The following CPA6 variants were observed in gnomAD, a reference collection of about 807,000 sequenced individuals.
CPA6 encodes carboxypeptidase B.
A neutral mutation model predicts 63.3 loss-of-function variants in CPA6; 58 were observed. The ratio of observed to expected loss-of-function variants is 0.92; its 90% CI spans 0.74 to 1.14. CPA6 has a LOEUF of 1.14. Ranked by LOEUF, CPA6 falls within the 50% of genes most tolerant of loss-of-function variation. The probability of loss-of-function intolerance (pLI) is 0.00; values close to 1 mark genes in which losing one functional copy is unlikely to be tolerated. For synonymous variants in CPA6, 185 were observed against 179.0 expected (o/e 1.03, Z -0.27); for missense variants, 565 against 526.6 (o/e 1.07, Z -0.71).
chr8:67,511,487 A>G (rs1812040981), intron 4 of CPA6, 54 bp downstream of exon 4: 1 of 995,918 alleles, frequency 1.0e-6, no homozygotes, highest in African/African-American at 1.6e-5. Context: ...CCTTAGACCT[A>G]AATGATAAAG....
Position 67,582,430 on chromosome 8 carries a change from TAAG to T in CPA6, c.192+41743_192+41745del, listed in dbSNP as rs1813800132. 2.6e-5 allele frequency among the ~76,000 whole-genome samples: 4 copies of T among 152,292 alleles called. No individual in the cohort carries two copies. The South Asian group carries it at 8.3e-4, about 32-fold the overall frequency. ...CATAGTATAAGTCCTGGCCAACGTGTAAGAAGAGGCAGATGAAAAATATTGAAG... is the reference window on the plus strand; with the variant it reads ...CATAGTATAAGTCCTGGCCAACGTGTAAGAGGCAGATGAAAAATATTGAAG... On this transcript the variant is annotated intron_variant, in intron 2 of 10. Transcript: ENST00000297770.
intron 1 of CPA6, among the ~76,000 whole-genome samples, chr8:67,636,452 T>C (rs1449721305): frequency 6.6e-6 from 1 of 151,626 alleles, no homozygotes; most frequent in African/African-American, 2.4e-5. Flanking sequence ...TGGATATTTT[T>C]AGAGGAATAA....
At chr8:67,513,149 C>G (rs933830538) in intron 3 of CPA6, among the ~76,000 whole-genome samples, 1 of 152,136 alleles carries the variant, frequency 6.6e-6, no homozygotes, top group African/African-American at 2.4e-5. Flanking sequence ...TGCAGTGGCT[C>G]AAAATGTGAG....
At chr8:67,667,485 T>A (rs142281445) in intron 1 of CPA6, among the ~76,000 whole-genome samples, 33 of 152,222 alleles carry the variant, frequency 2.2e-4, no homozygotes, top group African/African-American at 7.5e-4. Context: ...AAATCTTTTT[T>A]CAACTTCCCC....
At chr8:67,532,527 C>G (rs1026949462) in intron 2 of CPA6, among the ~76,000 whole-genome samples, 2 of 151,782 alleles carry the variant, frequency 1.3e-5, no homozygotes, top group African/African-American at 2.4e-5. Flanking sequence ...ACAAAAAATA[C>G]GAAAATTAGC....
chr8:67,714,299 T>C (rs748675096), intron 1 of CPA6, among the ~76,000 whole-genome samples: 1 of 152,058 alleles, frequency 6.6e-6, no homozygotes, highest in Non-Finnish European at 1.5e-5. Context: ...AAAAGGAGAA[T>C]TTGCCCCAAC....
chr8:67,547,820 C>A (rs1174479173), intron 2 of CPA6, among the ~76,000 whole-genome samples: 1 of 152,128 alleles, frequency 6.6e-6, no homozygotes, highest in Non-Finnish European at 1.5e-5. Context: ...TATACATGGT[C>A]TTTAAAAGTA....
rs6150633 is a variant in CPA6, at chr8:67,560,160, G to GATATATATATATATAT, written c.193-42129_193-42114dup. Among the ~76,000 whole-genome samples, 904 of 139,988 alleles carry GATATATATATATATAT rather than the reference G, an allele frequency of 6.5e-3. 4 individuals carry two copies. Among genetic ancestry groups the GATATATATATATATAT allele is most frequent in the South Asian group, 9.0e-3 (40 of 4,448 alleles). 91.8% of individuals were successfully genotyped at this position (139,988 alleles called of 152,430 possible). ...GGTATCACATCTTCTTGTATTTCCG[G>GATATATATATATATAT]ATATATATATATATATATTCCAGAT... On this transcript the variant is annotated intron_variant, in intron 2 of 10. Coordinates refer to ENST00000297770, the MANE Select transcript of CPA6 (RefSeq NM_020361.5).
At chr8:67,734,696 T>C (rs577187920) in intron 1 of CPA6, among the ~76,000 whole-genome samples, 1 of 152,198 alleles carries the variant, frequency 6.6e-6, no homozygotes, top group Admixed American at 6.5e-5. Flanking sequence ...TGTTTAGCAG[T>C]TTTGATGCCA....
chr8:67,449,910 G>T (rs1032630188), intron 8 of CPA6, among the ~76,000 whole-genome samples: 1 of 151,154 alleles, frequency 6.6e-6, no homozygotes, highest in African/African-American at 2.4e-5. Context: ...CCACCTCCCG[G>T]GTTCAAGCGA....
chr8:67,721,208 G>A (rs1817492138), intron 1 of CPA6, among the ~76,000 whole-genome samples: 2 of 152,190 alleles, frequency 1.3e-5, no homozygotes, highest in South Asian at 2.1e-4. Context: ...AGGTTACAAG[G>A]TCCTCTCGGA....
At chr8:67,739,758 T>C (rs1817878548) in intron 1 of CPA6, among the ~76,000 whole-genome samples, 1 of 152,248 alleles carries the variant, frequency 6.6e-6, no homozygotes. Flanking sequence ...CAGAGGATTC[T>C]GCCTTTGATG....
At chr8:67,714,025 A>C (rs987940126) in intron 1 of CPA6, among the ~76,000 whole-genome samples, 1 of 152,130 alleles carries the variant, frequency 6.6e-6, no homozygotes, top group South Asian at 2.1e-4. Context: ...GCCATGTTAA[A>C]ATTTTTTTTT....
At chr8:67,477,177 G>A (rs1811258802) in intron 8 of CPA6, among the ~76,000 whole-genome samples, 1 of 151,254 alleles carries the variant, frequency 6.6e-6, no homozygotes, top group Non-Finnish European at 1.5e-5. Context: ...TGTAGTCCCA[G>A]CTACTTGGGA....
intron 2 of CPA6, among the ~76,000 whole-genome samples, chr8:67,602,910 A>AC (rs1814532990): frequency 6.6e-6 from 1 of 152,154 alleles, no homozygotes; most frequent in Non-Finnish European, 1.5e-5. Flanking sequence ...ATAATTTGGA[A>AC]CCCCTTGATA....
At chr8:67,587,772 AAG>A (rs1813986620) in intron 2 of CPA6, among the ~76,000 whole-genome samples, 1 of 152,138 alleles carries the variant, frequency 6.6e-6, no homozygotes, top group Admixed American at 6.5e-5. Flanking sequence ...TAATTGTGTA[AAG>A]ACATAGTAAT....
intron 3 of CPA6, among the ~76,000 whole-genome samples, chr8:67,512,420 C>T (rs754261151): frequency 1.3e-5 from 2 of 152,224 alleles, no homozygotes; most frequent in Non-Finnish European, 2.9e-5. Context: ...AGCGATTTCA[C>T]TGCCTGCCAG....
At chr8:67,589,756 A>G (rs1323851303) in intron 2 of CPA6, among the ~76,000 whole-genome samples, 1 of 152,166 alleles carries the variant, frequency 6.6e-6, no homozygotes, top group Non-Finnish European at 1.5e-5. Flanking sequence ...AAACATCACT[A>G]GAAAGCTTCC....
chr8:67,506,766 T>C (rs1811934928), intron 6 of CPA6, 21 bp downstream of exon 6: 2 of 1,503,510 alleles, frequency 1.3e-6, no homozygotes, highest in Non-Finnish European at 1.9e-6. Context: ...AAATGGACAT[T>C]GTGTAAAGGG....
Sources: allele counts gnomAD v4.1 joint callset (sites outside exome capture counted in the v4.1 genomes callset), GRCh38; gene constraint gnomAD v4.1.1; transcripts MANE v1.5; gene names NCBI Gene and HGNC (gene_info 2026-07-23, HGNC 2026-07-21).